MAP2K2: variants seen among roughly 807,000 people sequenced by gnomAD.
The protein encoded by MAP2K2 is mitogen-activated protein kinase kinase 2.
MAP2K2 carries 24 observed loss-of-function variants against 43.7 expected under a neutral mutation model. The ratio of observed to expected loss-of-function variants is 0.55; its 90% confidence interval spans 0.40 to 0.77. MAP2K2 has a LOEUF of 0.77. Ranked by LOEUF, MAP2K2 falls within the 30% of genes least tolerant of loss-of-function variation. The probability of loss-of-function intolerance (pLI) is 0.00; values close to 1 mark genes in which losing one functional copy is unlikely to be tolerated. For missense variants in MAP2K2, 470 were observed against 566.8 expected, an observed-to-expected ratio of 0.83 and a Z score of 1.73; for synonymous variants, 244 against 239.7, an observed-to-expected ratio of 1.02 and a Z score of -0.17.
intron 7 of MAP2K2, 104 bp downstream of exon 7, chr19:4,099,097 G>A (rs539421847): frequency 4.2e-6 from 4 of 951,368 alleles, no homozygotes; most frequent in Non-Finnish European, 4.8e-6. Context: ...AGGGGGACAG[G>A]TGGTGCGCCA....
At chr19:4,106,600 G>A (rs2041088386) in intron 3 of MAP2K2, among the ~76,000 whole-genome samples, 1 of 152,022 alleles carries the variant, frequency 6.6e-6, no homozygotes, top group South Asian at 2.1e-4. Context: ...TATAGATGGG[G>A]TTTCACCATG....
chr19:4,098,990 C>A (rs1033507253), intron 7 of MAP2K2, among the ~76,000 whole-genome samples: 1 of 152,246 alleles, frequency 6.6e-6, no homozygotes, highest in Non-Finnish European at 1.5e-5. Context: ...GTGCAGCTGC[C>A]CCGGACAGAA....
intron 3 of MAP2K2, among the ~76,000 whole-genome samples, chr19:4,106,871 T>A (rs1452265719): frequency 6.6e-6 from 1 of 152,202 alleles, no homozygotes; most frequent in Non-Finnish European, 1.5e-5. Context: ...CCAGTTTCCA[T>A]TACAGTAGAA....
intron 9 of MAP2K2, 36 bp downstream of exon 9, chr19:4,095,352 C>T: frequency 6.5e-7 from 1 of 1,546,374 alleles, no homozygotes; most frequent in Non-Finnish European, 8.7e-7. Context: ...ACATCTGGGT[C>T]CCGGCCAGGG....
intron 1 of MAP2K2, among the ~76,000 whole-genome samples, chr19:4,120,760 C>G (rs2041282935): frequency 6.6e-6 from 1 of 152,116 alleles, no homozygotes; most frequent in African/African-American, 2.4e-5. Flanking sequence ...AAAACAAAAC[C>G]TTGGCGTCCC....
chr19:4,120,773 C>T (rs1180235452), intron 1 of MAP2K2, among the ~76,000 whole-genome samples: 1 of 152,216 alleles, frequency 6.6e-6, no homozygotes, highest in East Asian at 1.9e-4. Flanking sequence ...GGCGTCCCTA[C>T]AGCCAGCTTC....
chr19:4,111,928 G>A (rs1242638078), intron 2 of MAP2K2, among the ~76,000 whole-genome samples: 1 of 152,150 alleles, frequency 6.6e-6, no homozygotes, highest in Non-Finnish European at 1.5e-5. Flanking sequence ...ACTCCAGCCT[G>A]GGGGACAAGA....
At chr19:4,110,452 C>T (rs1308473232) in intron 3 of MAP2K2, 57 bp downstream of exon 3, 1 of 1,603,768 alleles carries the variant, frequency 6.2e-7, no homozygotes, top group Non-Finnish European at 8.5e-7. Flanking sequence ...TTCCTTCTCC[C>T]CAACATGCTC....
At chr19:4,094,594 C>T (rs918402322) in intron 9 of MAP2K2, 96 bp from the exon 10 acceptor site, 29 of 1,178,940 alleles carry the variant, frequency 2.5e-5, no homozygotes, top group Admixed American at 1.4e-4. Context: ...GGGCCGTGGT[C>T]GGAGGGGGCC....
intron 10 of MAP2K2, among the ~76,000 whole-genome samples, chr19:4,094,097 A>C (rs2040880554): frequency 6.6e-6 from 1 of 152,130 alleles, no homozygotes; most frequent in Non-Finnish European, 1.5e-5. Context: ...TCTAGTTTGC[A>C]GGGAAAGGAG....
In MAP2K2 at chr19:4,095,700, G is replaced by A. The variant is rs776426014; in HGVS notation, c.985-251C>T. 4.6e-5 allele frequency among the ~76,000 whole-genome samples: 7 copies of A among 152,076 alleles called. No homozygotes were observed. In the East Asian group the frequency reaches 5.8e-4, roughly 13 times the overall value. On this transcript the variant is annotated intron_variant, in intron 8 of 10. Transcript: ENST00000262948. ...TCAACAGGACAACCTCTCGAGTGTC[G>A]TCACTTGCTTCCTTCCCCAGTGTCA...
At chr19:4,112,392 G>A (rs548154572) in intron 2 of MAP2K2, among the ~76,000 whole-genome samples, 2 of 152,236 alleles carry the variant, frequency 1.3e-5, no homozygotes, top group East Asian at 1.9e-4. Context: ...TCACCATGAG[G>A]AGGAGATGGG....
Position 4,119,008 on chromosome 19 carries a change from G to T in MAP2K2, c.93-1379C>A, listed in dbSNP as rs368988554. 4.6e-5 allele frequency among the ~76,000 whole-genome samples: 7 copies of T among 152,142 alleles called. No individual in the cohort carries two copies. In the South Asian group the frequency reaches 1.2e-3, roughly 27 times the overall value. On this transcript the variant is annotated intron_variant, in intron 1 of 10. Coordinates refer to ENST00000262948, the MANE Select transcript of MAP2K2 (RefSeq NM_030662.4). ...CATGCGCACAAATTAAAATCTTCTA[G>T]TACCCATGTTTAAAAAGAACAGGTG...
intron 7 of MAP2K2, 153 bp downstream of exon 7, chr19:4,099,048 G>A: frequency 1.5e-6 from 1 of 672,252 alleles, no homozygotes; most frequent in Middle Eastern, 4.1e-4. Flanking sequence ...GGAAACCCCA[G>A]GACCATGGGA....
chr19:4,113,902 T>G (rs1568261793), intron 2 of MAP2K2, among the ~76,000 whole-genome samples: 1 of 152,102 alleles, frequency 6.6e-6, no homozygotes, highest in Non-Finnish European at 1.5e-5. Context: ...ACCTCGTAAA[T>G]CATGGATCAG....
At position 4,101,322 on chromosome 19, in the gene MAP2K2, G is replaced by A. The variant is rs199498257; in HGVS notation, c.529-42C>T. On this transcript the variant is annotated intron_variant, in intron 4 of 10. Transcript: ENST00000262948. This position sits in a 1 kb window ranked among gnomAD's most constrained non-coding sequence, Gnocchi z 6.3. The stretch of plus-strand genomic sequence containing the variant: ...AGGGAGTCACGGGACAAGGCCACCA[G>A]GGCTTAGCTCCTGACCGAGCCCGGG... 4.0e-5 allele frequency: 63 copies of A among 1,558,142 alleles called. 1 individual carries two copies. The East Asian group carries it at 1.4e-3, about 35-fold the overall frequency.
intron 3 of MAP2K2, among the ~76,000 whole-genome samples, 189 bp downstream of exon 3, chr19:4,110,315 AAAAAG>A (rs1428717133): frequency 6.6e-6 from 1 of 152,116 alleles, no homozygotes; most frequent in East Asian, 1.9e-4. Context: ...TCAAAAAAAC[AAAAAG>A]AAAACAAAAC....
intron 1 of MAP2K2, among the ~76,000 whole-genome samples, chr19:4,121,922 AG>A (rs569081080): frequency 1.7e-4 from 17 of 100,802 alleles, no homozygotes; most frequent in African/African-American, 6.9e-4. Flanking sequence ...CCCTTCTGGG[AG>A]CCCCCTGTCC....
intron 6 of MAP2K2, 77 bp downstream of exon 6, chr19:4,100,942 T>G (rs1599289072): frequency 6.9e-7 from 1 of 1,455,592 alleles, no homozygotes; most frequent in Non-Finnish European, 9.1e-7. Context: ...GAGAGCTGGC[T>G]GGCAGAGCTG....
Sources: allele counts gnomAD v4.1 joint callset (sites outside exome capture counted in the v4.1 genomes callset), GRCh38; gene constraint gnomAD v4.1.1; non-coding constraint Gnocchi (gnomAD v3.1); transcripts MANE v1.5; gene names NCBI Gene and HGNC (gene_info 2026-07-23, HGNC 2026-07-21).